Variants in SLCO3A1 observed in about 807,000 individuals in gnomAD.
SLCO3A1 encodes PGE1 transporter.
A neutral mutation model predicts 63.1 loss-of-function variants in SLCO3A1; 27 were observed. The observed-to-expected ratio is 0.43, with a 90% CI of 0.32 to 0.59. The LOEUF is 0.59. Ranked by LOEUF, SLCO3A1 falls within the 20% of genes least tolerant of loss-of-function variation. The pLI, the probability that SLCO3A1 is intolerant of heterozygous loss-of-function variation, is 0.09. For missense variants in SLCO3A1, 773 were observed against 945.8 expected, an observed-to-expected ratio of 0.82 and a Z score of 2.40; for synonymous variants, 473 against 409.9, an observed-to-expected ratio of 1.15 and a Z score of -1.86.
chr15:91,985,551 C>T (rs539599006), intron 2 of SLCO3A1, among the ~76,000 whole-genome samples: 13 of 152,144 alleles, frequency 8.5e-5, no homozygotes, highest in Non-Finnish European at 1.2e-4. Flanking sequence ...TGTCAGTGTA[C>T]GTTTCCTAAT....
At chr15:92,166,998 A>G (rs770912493), downstream of SLCO3A1, among the ~76,000 whole-genome samples, 1 of 152,250 alleles carries the variant, frequency 6.6e-6, no homozygotes, top group Non-Finnish European at 1.5e-5. Context: ...ATAGAGGTCA[A>G]TGCATCTGAT....
intron 2 of SLCO3A1, among the ~76,000 whole-genome samples, chr15:91,969,490 A>G (rs985197726): frequency 6.6e-6 from 1 of 151,648 alleles, no homozygotes; most frequent in Non-Finnish European, 1.5e-5. Context: ...ATTTTTAGTA[A>G]AGTAGGGGGT....
At position 92,104,541 on chromosome 15, in the gene SLCO3A1, A is replaced by G; in HGVS notation, c.1008A>G (p.Arg336=). The change falls in exon 4 of 10, where the codon AGA becomes AGG. Residue 336 remains arginine (R), a splice_region_variant and synonymous_variant. Transcript: ENST00000318445. ...GTGCCTCCTGTTTCCAGCAGCTGAG[A>G]GGTAAAGGTGGCCTCATCTGCCTCT... ...DSSASCFQQL[R]VIPKVTKHLL... is the part of the protein sequence containing the mutation. 1 of 1,612,330 alleles carries G rather than the reference A, an allele frequency of 6.2e-7. No homozygotes were observed. Among genetic ancestry groups the G allele is most frequent in the Non-Finnish European group, 8.5e-7 (1 of 1,179,786 alleles).
intron 2 of SLCO3A1, among the ~76,000 whole-genome samples, chr15:92,041,979 C>G (rs1384665065): frequency 1.3e-5 from 2 of 152,040 alleles, no homozygotes; most frequent in South Asian, 4.2e-4. Flanking sequence ...CCATGAGGCT[C>G]AGCTTCAAAC....
At chr15:91,971,118 G>A (rs113365499) in intron 2 of SLCO3A1, among the ~76,000 whole-genome samples, 6,104 of 152,086 alleles carry the variant, frequency 0.04, 272 homozygotes, top group African/African-American at 0.11. Context: ...GACCTTGGCC[G>A]GGCGCGGTGG....
chr15:92,102,259 C>T (rs959039271), intron 3 of SLCO3A1, among the ~76,000 whole-genome samples: 27 of 152,354 alleles, frequency 1.8e-4, no homozygotes, highest in Middle Eastern at 3.4e-3. Context: ...GGCAATTTCA[C>T]TTCCTTGTGT....
At chr15:92,065,334 T>C (rs1465567664) in intron 2 of SLCO3A1, among the ~76,000 whole-genome samples, 1 of 152,144 alleles carries the variant, frequency 6.6e-6, no homozygotes, top group Non-Finnish European at 1.5e-5. Flanking sequence ...GTGATCCACC[T>C]ACCTCGGCCT....
chr15:91,971,704 G>A (rs1032693524), intron 2 of SLCO3A1, among the ~76,000 whole-genome samples: 1 of 152,130 alleles, frequency 6.6e-6, no homozygotes, highest in African/African-American at 2.4e-5. Flanking sequence ...AATAAGGTTT[G>A]TTTAAACAGA....
At chr15:91,958,437 G>C (rs1176157410) in intron 2 of SLCO3A1, among the ~76,000 whole-genome samples, 1 of 152,180 alleles carries the variant, frequency 6.6e-6, no homozygotes, top group Non-Finnish European at 1.5e-5. Flanking sequence ...GCAGCCCCGC[G>C]TTTGAATGCC....
At chr15:91,926,523 C>G (rs1342242433) in intron 2 of SLCO3A1, among the ~76,000 whole-genome samples, 1 of 149,288 alleles carries the variant, frequency 6.7e-6, no homozygotes, top group Non-Finnish European at 1.5e-5. Flanking sequence ...ATGTTCCATT[C>G]CCAGCGTGGC....
intron 1 of SLCO3A1, among the ~76,000 whole-genome samples, chr15:91,855,881 C>T (rs1453940676): frequency 2.0e-5 from 3 of 152,006 alleles, no homozygotes; most frequent in Non-Finnish European, 2.9e-5. Flanking sequence ...CAATTTTGCT[C>T]GGTAGAGTGC....
rs148571070 is a variant in SLCO3A1 at position 91,925,375 on chromosome 15, G to C, written c.646+8917G>C. On this transcript the variant is annotated intron_variant, in intron 2 of 9. Transcript: ENST00000318445. ...AGGTTCATGGTCTTCCTCCTTAGTG[G>C]GAAGTAAGTTCTTCATTGCTAGATA... 3.4e-3 allele frequency among the ~76,000 whole-genome samples: 517 copies of C among 152,244 alleles called. 5 individuals carry two copies. Among genetic ancestry groups the C allele is most frequent in the African/African-American group, 0.011 (474 of 41,540 alleles).
chr15:92,102,625 G>A (rs1329749436), intron 3 of SLCO3A1, among the ~76,000 whole-genome samples: 1 of 152,186 alleles, frequency 6.6e-6, no homozygotes, highest in Non-Finnish European at 1.5e-5. Flanking sequence ...CCAGCATGTA[G>A]CTATGCAGAA....
At chr15:91,892,574 A>G (rs1897898267) in intron 1 of SLCO3A1, among the ~76,000 whole-genome samples, 1 of 152,216 alleles carries the variant, frequency 6.6e-6, no homozygotes, top group African/African-American at 2.4e-5. Context: ...CTTATTGTCC[A>G]TAAAGGCATC....
At chr15:92,123,316 A>G (rs1022267200) in intron 5 of SLCO3A1, among the ~76,000 whole-genome samples, 2 of 152,336 alleles carry the variant, frequency 1.3e-5, no homozygotes, top group African/African-American at 4.8e-5. Context: ...CTGAGGCAGT[A>G]GAATCGCTTG....
intron 2 of SLCO3A1, among the ~76,000 whole-genome samples, chr15:91,990,833 G>A (rs1210141318): frequency 2.0e-5 from 3 of 152,188 alleles, no homozygotes; most frequent in South Asian, 2.1e-4. Flanking sequence ...CTCCAGAAGC[G>A]AGGAGAGGAA....
Position 92,080,750 on chromosome 15 carries a change from G to A in SLCO3A1, c.647-14131G>A, listed in dbSNP as rs537202923. The stretch of plus-strand genomic sequence containing the variant: ...ACAGTGCTGCTTTGGCTGGCTTTAC[G>A]AGAGATTTGGGTTCTGTCACCATGC... On this transcript the variant is annotated intron_variant, in intron 2 of 9. Coordinates refer to ENST00000318445, the MANE Select transcript of SLCO3A1 (RefSeq NM_013272.4). 3.9e-4 allele frequency among the ~76,000 whole-genome samples: 59 copies of A among 152,306 alleles called. 2 individuals carry two copies. The South Asian group carries it at 0.012, about 30-fold the overall frequency.
At chr15:92,058,506 C>T (rs1458476989) in intron 2 of SLCO3A1, among the ~76,000 whole-genome samples, 1 of 152,096 alleles carries the variant, frequency 6.6e-6, no homozygotes, top group Non-Finnish European at 1.5e-5. Flanking sequence ...GGTATGGCTA[C>T]ACCCCACTGG....
chr15:92,064,633 A>G (rs1437596316), intron 2 of SLCO3A1, among the ~76,000 whole-genome samples: 1 of 152,248 alleles, frequency 6.6e-6, no homozygotes, highest in South Asian at 2.1e-4. Context: ...ATTAGTACCC[A>G]TCAACGGATG....
Sources: gnomAD v4.1 joint callset for allele counts (sites outside exome capture counted in the v4.1 genomes callset) on GRCh38, gnomAD v4.1.1 for gene constraint, MANE v1.5 for transcripts, NCBI Gene and HGNC (gene_info 2026-07-23, HGNC 2026-07-21) for gene names.